The following ARMC10 variants were observed in gnomAD, a reference collection of about 807,000 sequenced individuals.
The protein encoded by ARMC10 is armadillo repeat containing 10.
Under a neutral mutation model 30.2 loss-of-function variants are expected in ARMC10, and 23 were observed. The ratio of observed to expected loss-of-function variants is 0.76; its 90% CI spans 0.55 to 1.08. The LOEUF is 1.08. Ranked by LOEUF, ARMC10 falls within the 50% of genes least tolerant of loss-of-function variation. The probability of loss-of-function intolerance (pLI) is 0.00; values close to 1 mark genes in which losing one functional copy is unlikely to be tolerated. For synonymous variants in ARMC10, 111 were observed against 164.4 expected (o/e 0.68, Z 2.48); for missense variants, 303 against 413.7 (o/e 0.73, Z 2.32).
chr7:103,087,175 T>A lies in ARMC10; in HGVS notation c.528+411T>A, dbSNP rs530607077. Among the ~76,000 whole-genome samples the A allele has an allele frequency of 5.9e-5, 9 of 152,368 alleles. No homozygotes were observed. In the South Asian group the frequency reaches 1.9e-3, roughly 32 times the overall value. ...ACATATTCATAAATATGGTTGTTAA[T>A]GCATACAGTTTGGCTAGTTTTGCCT... On this transcript the variant is annotated intron_variant, in intron 4 of 6. Coordinates refer to ENST00000323716, the MANE Select transcript of ARMC10 (RefSeq NM_031905.5).
At chr7:103,089,936 T>C (rs1282987395) in intron 4 of ARMC10, among the ~76,000 whole-genome samples, 1 of 152,204 alleles carries the variant, frequency 6.6e-6, no homozygotes, top group African/African-American at 2.4e-5. Context: ...CCTTAAATAA[T>C]TGTAAGTCAA....
At chr7:103,083,207 A>G (rs572334926) in intron 2 of ARMC10, 5 of 453,380 alleles carry the variant, frequency 1.1e-5, no homozygotes, top group African/African-American at 8.0e-5. Flanking sequence ...CTTGGTATCT[A>G]TAAGCCTACA....
At chr7:103,082,516 AAT>A (rs112343274) in intron 2 of ARMC10, among the ~76,000 whole-genome samples, 6 of 150,022 alleles carry the variant, frequency 4.0e-5, no homozygotes, top group African/African-American at 1.5e-4. Context: ...TTTTTTTTTT[AAT>A]AGAGACAGGG....
At position 103,082,713 on chromosome 7, in the gene ARMC10, C is replaced by G. The variant is rs532574646; in HGVS notation, c.245-969C>G. ...TTGTGTAACCTCCTCCTCACCTACC[C>G]TTGCCCCTCCCCCCACCACCCCAGT... On this transcript the variant is annotated intron_variant, in intron 2 of 6. Coordinates refer to ENST00000323716, the MANE Select transcript of ARMC10 (RefSeq NM_031905.5). Among the ~76,000 whole-genome samples the G allele has an allele frequency of 3.3e-5, 5 of 152,244 alleles. No homozygotes were observed. In the South Asian group the frequency reaches 1.0e-3, roughly 32 times the overall value.
intron 5 of ARMC10, among the ~76,000 whole-genome samples, chr7:103,093,797 G>C (rs1279746941): frequency 6.6e-6 from 1 of 152,234 alleles, no homozygotes; most frequent in Non-Finnish European, 1.5e-5. Context: ...AGTTCAGCCA[G>C]GCAAGTCTGG....
At chr7:103,088,595 T>C (rs1801051482) in intron 4 of ARMC10, 1 of 163,140 alleles carries the variant, frequency 6.1e-6, no homozygotes, top group African/African-American at 2.4e-5. Context: ...TGAATGTTAA[T>C]TAAACAAAAG....
chr7:103,081,108 C>G (rs1800341524), intron 2 of ARMC10, among the ~76,000 whole-genome samples: 1 of 152,166 alleles, frequency 6.6e-6, no homozygotes, highest in African/African-American at 2.4e-5. Flanking sequence ...GAGGTAGGCA[C>G]TATTAACTCC....
At chr7:103,096,378 T>C (rs145628071) in intron 5 of ARMC10, 15 of 152,248 alleles carry the variant, frequency 9.9e-5, no homozygotes, top group Non-Finnish European at 1.9e-4. Flanking sequence ...TGTGCTTATT[T>C]ATATGATTGT....
chr7:103,092,979 A>AT (rs1379922443), intron 5 of ARMC10, among the ~76,000 whole-genome samples: 1 of 71,214 alleles, frequency 1.4e-5, no homozygotes, highest in Admixed American at 2.1e-4. Context: ...TTAACAAATC[A>AT]TTTTTTTGAT....
Position 103,086,719 on chromosome 7 carries a change from A to G in ARMC10, c.483A>G (p.Ala161=), listed in dbSNP as rs781595166. ...NQSIKEKALN[A]LNNLSVNVEN... is the part of the protein sequence containing the mutation. The stretch of plus-strand genomic sequence containing the variant: ...GTATTAAAGAGAAAGCTTTAAATGC[A>G]CTAAATAACCTGAGTGTGAATGTTG... The change falls in exon 4 of 7, where the codon GCA becomes GCG. Residue 161 remains alanine, a synonymous_variant. Coordinates refer to ENST00000323716, the MANE Select transcript of ARMC10 (RefSeq NM_031905.5). 1 of 1,596,084 alleles carries G rather than the reference A, an allele frequency of 6.3e-7. No individual in the cohort carries two copies. Among genetic ancestry groups the G allele is most frequent in the Non-Finnish European group, 8.5e-7 (1 of 1,175,616 alleles).
intron 2 of ARMC10, among the ~76,000 whole-genome samples, 167 bp from the exon 3 acceptor site, chr7:103,083,515 A>G (rs193003801): frequency 1.3e-5 from 2 of 152,104 alleles, no homozygotes; most frequent in Admixed American, 1.3e-4. Flanking sequence ...GGTCCTACCT[A>G]CTTGGGAGGC....
chr7:103,092,351 A>AC (rs55739273), intron 4 of ARMC10, 126 bp from the exon 5 acceptor site: 1 of 469,964 alleles, frequency 2.1e-6, no homozygotes, highest in East Asian at 3.5e-5. Flanking sequence ...AAAAAAAAAA[A>AC]GTCGTATTTT....
intron 2 of ARMC10, among the ~76,000 whole-genome samples, chr7:103,076,120 T>C (rs1341903460): frequency 1.3e-5 from 2 of 152,218 alleles, no homozygotes; most frequent in Non-Finnish European, 2.9e-5. Flanking sequence ...AAGCACAAAC[T>C]AAATTGCCTC....
chr7:103,095,391 G>C (rs1408554728), intron 5 of ARMC10, among the ~76,000 whole-genome samples: 2 of 152,202 alleles, frequency 1.3e-5, no homozygotes, highest in African/African-American at 4.8e-5. Context: ...ACCGCACCTG[G>C]CCAAAAATAC....
intron 3 of ARMC10, among the ~76,000 whole-genome samples, chr7:103,086,221 A>G (rs1800839836): frequency 6.6e-6 from 1 of 152,220 alleles, no homozygotes; most frequent in Non-Finnish European, 1.5e-5. Context: ...GCAAAACACT[A>G]CTTTAGTATT....
At position 103,086,488 on chromosome 7, in the gene ARMC10, A is replaced by T. The variant is rs981251284; in HGVS notation, c.394-142A>T. ...ATGGGTAGTGAGATTTTTTTAAAAT[A>T]TGAATTAAATATTTGTATATGGGAA... On this transcript the variant is annotated intron_variant, in intron 3 of 6. Transcript: ENST00000323716. 5.8e-6 allele frequency: 5 copies of T among 863,784 alleles called. No individual in the cohort carries two copies. In the African/African-American group the frequency reaches 7.2e-5, roughly 12 times the overall value. The allele number at this position is 863,784 out of a possible 1,614,324, so 53.5% of individuals were successfully genotyped here.
At chr7:103,092,676 G>A in intron 5 of ARMC10, 23 bp downstream of exon 5, 1 of 1,479,204 alleles carries the variant, frequency 6.8e-7, no homozygotes, top group Non-Finnish European at 9.2e-7. Flanking sequence ...ATTGTGTCAA[G>A]CTTATTAACA....
intron 2 of ARMC10, among the ~76,000 whole-genome samples, chr7:103,077,742 T>C (rs916810608): frequency 3.3e-5 from 5 of 152,206 alleles, no homozygotes; most frequent in African/African-American, 1.2e-4. Flanking sequence ...CAGAGATATT[T>C]TTGTATAAGT....
chr7:103,094,251 CTG>C (rs371746974), intron 5 of ARMC10, among the ~76,000 whole-genome samples: 3 of 152,318 alleles, frequency 2.0e-5, no homozygotes, highest in East Asian at 3.9e-4. Context: ...TTAACATAAA[CTG>C]TGTGCTTGTT....
Sources: gnomAD v4.1 joint callset for allele counts (sites outside exome capture counted in the v4.1 genomes callset) on GRCh38, gnomAD v4.1.1 for gene constraint, MANE v1.5 for transcripts, NCBI Gene and HGNC (gene_info 2026-07-23, HGNC 2026-07-21) for gene names.